The following ADAMTSL1 variants were observed in gnomAD, a reference collection of about 807,000 sequenced individuals.
The protein encoded by ADAMTSL1 is ADAMTS-like protein 1.
In ADAMTSL1, 126 loss-of-function variants were observed where a neutral mutation model predicts 201.8. The ratio of observed to expected loss-of-function variants is 0.62; its 90% CI spans 0.54 to 0.72. The LOEUF (loss-of-function observed/expected upper bound fraction) is 0.72. Among genes scored for constraint, ADAMTSL1 ranks in the 30% least tolerant of loss-of-function variants. The probability of loss-of-function intolerance (pLI) is 0.00; values close to 1 mark genes in which losing one functional copy is unlikely to be tolerated. For missense variants in ADAMTSL1, 2,679 were observed against 2,277.8 expected, an observed-to-expected ratio of 1.18 and a Z score of -3.59; for synonymous variants, 1,121 against 903.4, an observed-to-expected ratio of 1.24 and a Z score of -4.32.
intron 14 of ADAMTSL1, among the ~76,000 whole-genome samples, chr9:18,714,386 A>G (rs1421849861): frequency 6.6e-6 from 1 of 152,220 alleles, no homozygotes; most frequent in African/African-American, 2.4e-5. Flanking sequence ...AGAATCAAAT[A>G]GATGCAATAA....
chr9:18,298,355 A>G (rs1437873234), intron 2 of ADAMTSL1, among the ~76,000 whole-genome samples: 1 of 152,216 alleles, frequency 6.6e-6, no homozygotes, highest in African/African-American at 2.4e-5. Flanking sequence ...AGGGAACACC[A>G]GAAAGCAAAA....
chr9:18,895,471 G>A (rs1228564432), intron 26 of ADAMTSL1, among the ~76,000 whole-genome samples: 1 of 145,830 alleles, frequency 6.9e-6, no homozygotes, highest in Non-Finnish European at 1.5e-5. Flanking sequence ...TAACAACGTG[G>A]CAGCCACTAC....
chr9:18,571,440 C>A (rs750698926), intron 3 of ADAMTSL1, among the ~76,000 whole-genome samples: 6 of 152,150 alleles, frequency 3.9e-5, no homozygotes, highest in Non-Finnish European at 8.8e-5. Context: ...ACTGTACCCC[C>A]AGTACAATGT....
intron 1 of ADAMTSL1, among the ~76,000 whole-genome samples, chr9:18,088,901 T>C (rs7038013): frequency 0.021 from 3,272 of 152,304 alleles, 115 homozygotes; most frequent in African/African-American, 0.069. Flanking sequence ...TCTGAAAGAT[T>C]TGAAATCAGG....
chr9:18,026,270 T>C, intron 1 of ADAMTSL1, among the ~76,000 whole-genome samples: 1 of 152,042 alleles, frequency 6.6e-6, no homozygotes, highest in East Asian at 1.9e-4. Context: ...AAAATAAGCA[T>C]TCTTGTCTTC....
rs997981723 is a variant in ADAMTSL1 at position 18,639,494 on chromosome 9, GGTTCTGACATAT to G, written c.834+87_834+98del. 287 of 1,510,550 alleles carry G rather than the reference GGTTCTGACATAT, an allele frequency of 1.9e-4. 1 individual carries two copies. The African/African-American group carries it at 3.3e-3, about 17-fold the overall frequency. 93.6% of individuals were successfully genotyped at this position (1,510,550 alleles called of 1,614,324 possible). ...ATTTCCTGAGCAGAGAGCGATTTTT[GGTTCTGACATAT>G]GTTTGGAAAGCCCGTTTGTTACCCA... On this transcript the variant is annotated intron_variant, in intron 7 of 28. Transcript: ENST00000380548.
At position 18,523,403 on chromosome 9, in the gene ADAMTSL1, A is replaced by C. The variant is rs200909152; in HGVS notation, c.192-9844A>C. ...CCATTCTGTAGGTTGCCTGTTCACT[A>C]TGATGGTAGTTTCTTTTGCTGTGCA... On this transcript the variant is annotated intron_variant, in intron 2 of 28. Transcript: ENST00000380548. Among the ~76,000 whole-genome samples the C allele has an allele frequency of 2.8e-3, 424 of 152,080 alleles. 3 individuals are homozygous for C. Among genetic ancestry groups the C allele is most frequent in the South Asian group, 9.6e-3 (46 of 4,814 alleles).
In ADAMTSL1 at chr9:18,662,071, C is replaced by T; in HGVS notation, c.1083C>T (p.Ala361=). ...AGTGCAACTTGGATCCTTGTCCAGC[C>T]AGGTCAGTCAAATTTGCTAGTTCAT... ...LQECNLDPCP[A]SDGYKQIMPY... The change falls in exon 9 of 29, where the codon GCC becomes GCT. Residue 361 remains alanine (A), a splice_region_variant and synonymous_variant. Transcript: ENST00000380548. 1.2e-6 allele frequency: 2 copies of T among 1,611,654 alleles called. No homozygotes were observed. Among genetic ancestry groups the T allele is most frequent in the Non-Finnish European group, 1.7e-6 (2 of 1,179,326 alleles).
intron 2 of ADAMTSL1, among the ~76,000 whole-genome samples, chr9:18,515,373 C>T (rs1212093161): frequency 1.3e-5 from 2 of 152,184 alleles, no homozygotes; most frequent in African/African-American, 2.4e-5. Flanking sequence ...CTGGCTGTAT[C>T]GCCCAGGCTG....
intron 15 of ADAMTSL1, 102 bp from the exon 16 acceptor site, chr9:18,753,196 C>A: frequency 8.5e-7 from 1 of 1,177,218 alleles, no homozygotes; most frequent in Non-Finnish European, 1.2e-6. Flanking sequence ...CTGGCACTTC[C>A]CACTTTCCCA....
intron 2 of ADAMTSL1, among the ~76,000 whole-genome samples, chr9:18,253,680 G>A (rs745449599): frequency 2.6e-5 from 4 of 152,134 alleles, no homozygotes; most frequent in Non-Finnish European, 5.9e-5. Flanking sequence ...TGTCTGGTTG[G>A]TTCCTTGTTT....
chr9:18,874,826 G>T (rs1828050988), intron 23 of ADAMTSL1, among the ~76,000 whole-genome samples: 2 of 151,908 alleles, frequency 1.3e-5, no homozygotes, highest in Admixed American at 1.3e-4. Flanking sequence ...TTTTGGAATA[G>T]TTTCAGTAGG....
chr9:18,315,291 G>T (rs986464251), intron 2 of ADAMTSL1, among the ~76,000 whole-genome samples: 1 of 152,184 alleles, frequency 6.6e-6, no homozygotes, highest in Non-Finnish European at 1.5e-5. Context: ...GTCCCCACCT[G>T]ACTCAGGAGC....
intron 1 of ADAMTSL1, among the ~76,000 whole-genome samples, chr9:18,040,038 G>A (rs990966034): frequency 1.3e-5 from 2 of 152,132 alleles, no homozygotes; most frequent in Admixed American, 6.5e-5. Flanking sequence ...TTATGCCTAT[G>A]TCTTGGCATT....
chr9:18,259,935 C>T (rs1158092355), intron 2 of ADAMTSL1, among the ~76,000 whole-genome samples: 1 of 152,140 alleles, frequency 6.6e-6, no homozygotes, highest in African/African-American at 2.4e-5. Flanking sequence ...TTTGTAACTA[C>T]TTACCATTTT....
chr9:18,750,430 T>G (rs533153006), intron 15 of ADAMTSL1, among the ~76,000 whole-genome samples: 11 of 152,376 alleles, frequency 7.2e-5, no homozygotes, highest in African/African-American at 2.4e-4. Context: ...TTTGTGAGAT[T>G]CATTTATGTT....
intron 2 of ADAMTSL1, among the ~76,000 whole-genome samples, chr9:18,338,189 T>C (rs1187240970): frequency 3.3e-5 from 5 of 152,090 alleles, no homozygotes; most frequent in Non-Finnish European, 5.9e-5. Context: ...GTTTTTTAAA[T>C]GATGTCTTCA....
intron 22 of ADAMTSL1, among the ~76,000 whole-genome samples, chr9:18,828,510 C>A (rs561567966): frequency 4.7e-4 from 71 of 151,062 alleles, no homozygotes; most frequent in Non-Finnish European, 9.3e-4. Context: ...TAGAAAGGAA[C>A]CTCATTTTGT....
chr9:18,890,812 A>G (rs183192783), intron 25 of ADAMTSL1: 24 of 330,022 alleles, frequency 7.3e-5, no homozygotes, highest in African/African-American at 5.2e-4. Flanking sequence ...CACCAGGGAT[A>G]TAAGAGGCTG....
Sources: gnomAD v4.1 joint callset for allele counts (sites outside exome capture counted in the v4.1 genomes callset) on GRCh38, gnomAD v4.1.1 for gene constraint, MANE v1.5 for transcripts, NCBI Gene and HGNC (gene_info 2026-07-23, HGNC 2026-07-21) for gene names.